The following EYA4 variants were observed in gnomAD, a reference collection of about 807,000 sequenced individuals.
EYA4 encodes protein phosphatase EYA4.
A neutral mutation model predicts 87.9 loss-of-function variants in EYA4; 31 were observed. The observed-to-expected ratio is 0.35, with a 90% confidence interval of 0.27 to 0.48. The LOEUF (loss-of-function observed/expected upper bound fraction) is 0.48. Among genes scored for constraint, EYA4 ranks in the 20% least tolerant of loss-of-function variants. EYA4 has a pLI of 0.99. For synonymous variants in EYA4, 263 were observed against 270.6 expected (o/e 0.97, Z 0.28); for missense variants, 678 against 761.4 (o/e 0.89, Z 1.29).
chr6:133,493,999 T>TA (rs1797412415), intron 13 of EYA4, among the ~76,000 whole-genome samples: 1 of 152,188 alleles, frequency 6.6e-6, no homozygotes, highest in Non-Finnish European at 1.5e-5. Flanking sequence ...GTACCACCAC[T>TA]ATGGAGAACA....
Position 133,523,066 on chromosome 6 carries a change from A to G in EYA4, c.1627A>G (p.Ile543Val), listed in dbSNP as rs1800325384. The change falls in exon 18 of 20, where the codon ATA becomes GTA. Residue 543 changes from isoleucine to valine, a missense_variant. Coordinates refer to ENST00000355286, the MANE Select transcript of EYA4 (RefSeq NM_004100.5). The part of the protein sequence containing the change: ...LSIISTRSNC[I>V]NVLVTTTQLI... ...TCCTCCCTATTTTAGGAGTAACTGC[A>G]TAAATGTCTTGGTAACGACAACTCA... 1.2e-6 allele frequency: 2 copies of G among 1,611,760 alleles called. No homozygotes were observed. Among genetic ancestry groups the G allele is most frequent in the Non-Finnish European group, 1.7e-6 (2 of 1,178,106 alleles).
intron 6 of EYA4, among the ~76,000 whole-genome samples, chr6:133,460,315 A>G (rs1794266091): frequency 1.3e-5 from 2 of 152,136 alleles, no homozygotes; most frequent in African/African-American, 4.8e-5. Context: ...TTTAGAGTCC[A>G]TATATTTGCA....
At position 133,247,635 on chromosome 6, in the gene EYA4, T is replaced by A. The variant is rs549391422; in HGVS notation, c.-66+5886T>A. 2.0e-5 allele frequency: 3 copies of A among 152,338 alleles called. No individual in the cohort carries two copies. In the East Asian group the frequency reaches 5.8e-4, roughly 29 times the overall value. The allele number at this position is 152,338 out of a possible 1,614,324, so 9.4% of individuals were successfully genotyped here. A position where few individuals can be genotyped will look rare whatever the true frequency, so the allele number is the denominator to read the frequency against. ...TAACCTGTTTTACAATTTTATAGTA[T>A]TTTTCCACTGAAGCAGTGGTTTTCA... On this transcript the variant is annotated intron_variant, in intron 1 of 19. Transcript: ENST00000355286.
At chr6:133,358,374 A>G (rs1039195145) in intron 2 of EYA4, among the ~76,000 whole-genome samples, 5 of 152,224 alleles carry the variant, frequency 3.3e-5, no homozygotes, top group Admixed American at 3.3e-4. Flanking sequence ...GTGAGACAAG[A>G]ATGATCTCAC....
intron 1 of EYA4, among the ~76,000 whole-genome samples, chr6:133,258,561 A>G (rs1775536931): frequency 1.3e-5 from 2 of 152,132 alleles, no homozygotes; most frequent in African/African-American, 4.8e-5. Context: ...CAGAGACTTC[A>G]GAGTACGTAG....
chr6:133,428,373 C>A (rs1033097676), intron 3 of EYA4, among the ~76,000 whole-genome samples: 7 of 152,152 alleles, frequency 4.6e-5, no homozygotes, highest in Non-Finnish European at 8.8e-5. Flanking sequence ...GTTAAGAGGA[C>A]AAGAATGACA....
At chr6:133,316,760 T>C (rs142116735) in intron 2 of EYA4, among the ~76,000 whole-genome samples, 3 of 152,330 alleles carry the variant, frequency 2.0e-5, no homozygotes, top group Non-Finnish European at 4.4e-5. Flanking sequence ...GCATCTGGCA[T>C]GGCCTTCTTT....
intron 3 of EYA4, among the ~76,000 whole-genome samples, chr6:133,426,864 T>C (rs1158626507): frequency 6.6e-6 from 1 of 152,246 alleles, no homozygotes; most frequent in Non-Finnish European, 1.5e-5. Flanking sequence ...TCTATATCTA[T>C]ATCTATCTAT....
chr6:133,396,144 T>A (rs1787775506), intron 3 of EYA4, among the ~76,000 whole-genome samples: 2 of 152,168 alleles, frequency 1.3e-5, no homozygotes, highest in East Asian at 3.8e-4. Flanking sequence ...TGGGAAATAA[T>A]TGTTCCATTT....
chr6:133,329,421 C>T lies in EYA4; in HGVS notation c.34-52971C>T, dbSNP rs139883769. On this transcript the variant is annotated intron_variant, in intron 2 of 19. Transcript: ENST00000355286. ...CTCATGAAAGAGATGAAATTCTGGA[C>T]GGAGAATTTGAAATCAAATGACAAT... 1.7e-3 allele frequency among the ~76,000 whole-genome samples: 252 copies of T among 152,132 alleles called. 3 individuals are homozygous for T. Among genetic ancestry groups the T allele is most frequent in the East Asian group, 8.9e-3 (46 of 5,190 alleles).
chr6:133,333,906 A>G (rs2128390653), intron 2 of EYA4, among the ~76,000 whole-genome samples: 1 of 152,288 alleles, frequency 6.6e-6, no homozygotes, highest in South Asian at 2.1e-4. Flanking sequence ...GCCTTCTGAA[A>G]AAAGGTTTTT....
intron 2 of EYA4, among the ~76,000 whole-genome samples, chr6:133,285,693 G>A (rs1777999548): frequency 6.6e-6 from 1 of 152,182 alleles, no homozygotes; most frequent in Non-Finnish European, 1.5e-5. Context: ...GCAGAGACTG[G>A]CTATTTTAAC....
At chr6:133,428,933 T>TTTG (rs1790931591) in intron 3 of EYA4, among the ~76,000 whole-genome samples, 1 of 121,492 alleles carries the variant, frequency 8.2e-6, no homozygotes, top group Non-Finnish European at 1.7e-5. Context: ...TTTTTTTTTT[T>TTTG]TTTTTTTTTG....
chr6:133,492,115 A>G (rs1465932534), intron 13 of EYA4, among the ~76,000 whole-genome samples: 2 of 152,292 alleles, frequency 1.3e-5, no homozygotes, highest in African/African-American at 2.4e-5. Context: ...CTACAGGGCT[A>G]TTGTTACTCT....
intron 2 of EYA4, among the ~76,000 whole-genome samples, chr6:133,349,698 C>T (rs191745407): frequency 6.6e-6 from 1 of 151,670 alleles, no homozygotes; most frequent in Admixed American, 6.5e-5. Context: ...TAATAAACCA[C>T]AGGGTTAACC....
intron 2 of EYA4, among the ~76,000 whole-genome samples, chr6:133,366,941 A>G (rs959872538): frequency 2.0e-5 from 3 of 152,112 alleles, no homozygotes; most frequent in African/African-American, 4.8e-5. Flanking sequence ...TTGTTCTCCC[A>G]TGTTGGCTCT....
intron 2 of EYA4, among the ~76,000 whole-genome samples, chr6:133,333,849 A>G (rs1303233159): frequency 6.6e-6 from 1 of 152,238 alleles, no homozygotes; most frequent in Admixed American, 6.5e-5. Context: ...TTTGAATGTT[A>G]CTACTATGTA....
chr6:133,489,579 G>A (rs1417411137), intron 13 of EYA4, among the ~76,000 whole-genome samples: 1 of 152,036 alleles, frequency 6.6e-6, no homozygotes, highest in Non-Finnish European at 1.5e-5. Flanking sequence ...AACCTTATAG[G>A]CTAGGAGGGA....
intron 3 of EYA4, among the ~76,000 whole-genome samples, chr6:133,446,171 C>T (rs945199094): frequency 1.3e-5 from 2 of 152,010 alleles, no homozygotes; most frequent in African/African-American, 4.8e-5. Flanking sequence ...ACATTTTCAG[C>T]TCTCTAGTGT....
Sources: allele counts gnomAD v4.1 joint callset (sites outside exome capture counted in the v4.1 genomes callset), GRCh38; gene constraint gnomAD v4.1.1; transcripts MANE v1.5; gene names NCBI Gene and HGNC (gene_info 2026-07-23, HGNC 2026-07-21).